Variants in APEH observed in about 807,000 individuals in gnomAD.
APEH encodes the protein acylaminoacyl-peptide hydrolase.
Under a neutral mutation model 102.7 loss-of-function variants are expected in APEH, and 75 were observed. The ratio of observed to expected loss-of-function variants is 0.73; its 90% CI spans 0.61 to 0.89. The LOEUF (loss-of-function observed/expected upper bound fraction) is 0.89, where lower values mean the gene tolerates loss of function less well. Among genes scored for constraint, APEH ranks in the 40% least tolerant of loss-of-function variants. The pLI, the probability that APEH is intolerant of heterozygous loss-of-function variation, is 0.00. For missense variants in APEH, 863 were observed against 941.2 expected (o/e 0.92, Z 1.09); for synonymous variants, 344 against 362.7 (o/e 0.95, Z 0.59).
At chr3:49,676,292 C>T (rs2053047298) in intron 6 of APEH, 73 bp downstream of exon 6, 1 of 1,610,988 alleles carries the variant, frequency 6.2e-7, no homozygotes, top group Non-Finnish European at 8.5e-7. Context: ...CCATACTGTG[C>T]CTGTCAGACC....
At chr3:49,675,422 C>G (rs1006664866) in intron 3 of APEH, 113 bp downstream of exon 3, 9 of 1,445,532 alleles carry the variant, frequency 6.2e-6, no homozygotes, top group Non-Finnish European at 3.7e-6. Flanking sequence ...GTTCTTGCCC[C>G]CTTGGGAGCT....
Position 49,676,658 on chromosome 3 carries a change from A to C in APEH, c.794A>C (p.His265Pro). Residue 265 changes from histidine to proline, a missense_variant, in exon 8 of 22, where the codon CAT becomes CCT. Physicochemically the swap from His to Pro is moderately conservative, Grantham distance 77. Coordinates refer to ENST00000296456, the MANE Select transcript of APEH (RefSeq NM_001640.4). The stretch of plus-strand genomic sequence containing the variant: ...GGTGTGGTGTTTGTGGGCTGGTGGC[A>C]TGAGCCCTTCCGGTTGGGCATCCGC... ...DAGVVFVGWW[H>P]EPFRLGIRFC... 1 of 1,614,272 alleles carries C rather than the reference A, an allele frequency of 6.2e-7. No homozygotes were observed. The highest frequency in any genetic ancestry group is 8.5e-7 in the Non-Finnish European group (1 of 1,180,048).
intron 15 of APEH, among the ~76,000 whole-genome samples, chr3:49,681,497 C>G (rs1212324701): frequency 6.6e-6 from 1 of 152,260 alleles, no homozygotes; most frequent in African/African-American, 2.4e-5. Context: ...AGGCCTCATA[C>G]AAGCCTCAGT....
intron 19 of APEH, 41 bp downstream of exon 19, chr3:49,682,777 C>T (rs780487108): frequency 6.2e-7 from 1 of 1,613,556 alleles, no homozygotes; most frequent in Non-Finnish European, 8.5e-7. Context: ...CCTCCTCTAC[C>T]TCAAATTCTC....
Position 49,683,945 on chromosome 3 carries a change from T to C in APEH, c.*603T>C, listed in dbSNP as rs1367225698. 1 of 1,539,250 alleles carries C rather than the reference T, an allele frequency of 6.5e-7. No homozygotes were observed. The highest frequency in any genetic ancestry group is 8.7e-7 in the Non-Finnish European group (1 of 1,144,188). ...CTGGAAGCAAAGGCTAAGAAGCATC[T>C]GTACAGGCATAAAGAGGAAACATGG... On this transcript the variant is annotated 3_prime_UTR_variant, in exon 22 of 22. Transcript: ENST00000296456.
chr3:49,682,505 A>G (rs760866206), intron 18 of APEH, 41 bp from the exon 19 acceptor site: 1 of 1,612,750 alleles, frequency 6.2e-7, no homozygotes, highest in Non-Finnish European at 8.5e-7. Context: ...CATTCAGCTG[A>G]GCGGGCAGCT....
At chr3:49,682,485 G>A (rs2053383265) in intron 18 of APEH, 49 bp downstream of exon 18, 1 of 1,612,230 alleles carries the variant, frequency 6.2e-7, no homozygotes, top group Non-Finnish European at 8.5e-7. Context: ...GGCTGCCAGG[G>A]GGATGCCTCC....
At position 49,679,737 on chromosome 3, in the gene APEH, G is replaced by A; in HGVS notation, c.1210+93G>A. Reference sequence around the variant, plus strand: ...CTGGAGCTCCAACATGTGGGGCAGTGATGGCATTCTCAGCCACTCAGCACC... The same window carrying A: ...CTGGAGCTCCAACATGTGGGGCAGTAATGGCATTCTCAGCCACTCAGCACC... On this transcript the variant is annotated intron_variant, in intron 13 of 21. Coordinates refer to ENST00000296456, the MANE Select transcript of APEH (RefSeq NM_001640.4). The surrounding 1 kb of genome is among the most constrained non-coding windows in gnomAD (Gnocchi z 4.3). The A allele has an allele frequency of 7.5e-7, 1 of 1,332,320 alleles. No individual in the cohort carries two copies. Among genetic ancestry groups the A allele is most frequent in the Non-Finnish European group, 1.1e-6 (1 of 933,030 alleles). 82.5% of individuals were successfully genotyped at this position (1,332,320 alleles called of 1,614,324 possible).
chr3:49,676,025 G>A (rs756505077), intron 5 of APEH, 31 bp from the exon 6 acceptor site: 10 of 1,614,086 alleles, frequency 6.2e-6, no homozygotes, highest in Non-Finnish European at 5.9e-6. Context: ...GTAGCCCTGG[G>A]CCCCCCCTGA....
rs1227668799 is a variant in APEH at position 49,683,792 on chromosome 3, C to T, written c.*450C>T. 5.1e-6 allele frequency: 3 copies of T among 592,020 alleles called. No individual in the cohort carries two copies. The highest frequency in any genetic ancestry group is 3.7e-5 in the African/African-American group (2 of 53,694). 36.7% of individuals were successfully genotyped at this position (592,020 alleles called of 1,614,324 possible). On this transcript the variant is annotated 3_prime_UTR_variant, in exon 22 of 22. Coordinates refer to ENST00000296456, the MANE Select transcript of APEH (RefSeq NM_001640.4). ...TGAGGCCCTGTCTTTCCACGGCACC[C>T]ATGGGCAAAAGTAGTCCCAGGGACA...
intron 2 of APEH, among the ~76,000 whole-genome samples, chr3:49,674,909 C>T (rs1162763927): frequency 2.0e-5 from 3 of 152,110 alleles, no homozygotes; most frequent in Non-Finnish European, 2.9e-5. Flanking sequence ...ACCAACACGC[C>T]ATCCCATACA....
Position 49,677,979 on chromosome 3 carries a change from C to T in APEH, c.1060+346C>T, listed in dbSNP as rs141905291. ...AAAACCATGACTCCTTCAAGTGGGT[C>T]TCAGGAAGTGCACTAGGTTGGAATG... On this transcript the variant is annotated intron_variant, in intron 11 of 21. Transcript: ENST00000296456. 9.7e-4 allele frequency among the ~76,000 whole-genome samples: 148 copies of T among 152,276 alleles called. 4 individuals are homozygous for T. The East Asian group carries it at 0.025, about 26-fold the overall frequency.
Position 49,676,781 on chromosome 3 carries a change from G to A in APEH, c.841G>A (p.Ala281Thr). ...GTGTCTGTCTCGTGGTTCCAGGTCA[G>A]CCCTGTATTATGTGGACCTCATCGG... is the stretch of plus-strand genomic sequence containing the variant. ...GIRFCTNRRS[A>T]LYYVDLIGGK... Residue 281 changes from alanine (A) to threonine (T), a missense_variant, in exon 9 of 22, where the codon GCC becomes ACC. Physicochemically the swap from Ala to Thr is moderately conservative, Grantham distance 58 (BLOSUM62 0). Transcript: ENST00000296456. 2.5e-6 allele frequency: 4 copies of A among 1,614,268 alleles called. No homozygotes were observed. The highest frequency in any genetic ancestry group is 3.4e-6 in the Non-Finnish European group (4 of 1,180,052).
At chr3:49,674,301 C>G (rs1389795966), upstream of APEH, 1 of 1,422,446 alleles carries the variant, frequency 7.0e-7, no homozygotes, top group Non-Finnish European at 9.4e-7. Context: ...TGCCGCAGGG[C>G]AGGGGCGGAG....
chr3:49,680,399 A>C, intron 13 of APEH, 142 bp from the exon 14 acceptor site: 1 of 685,556 alleles, frequency 1.5e-6, no homozygotes. Flanking sequence ...GGCCATGTGC[A>C]GTTGGGTGTT....
At chr3:49,682,229 C>T (rs1259673221) in intron 17 of APEH, 119 bp from the exon 18 acceptor site, 8 of 1,106,700 alleles carry the variant, frequency 7.2e-6, no homozygotes, top group Non-Finnish European at 7.9e-6. Flanking sequence ...TTCCCCTTGA[C>T]CCCTTGACAG....
chr3:49,674,175 C>T (rs1407708387), upstream of APEH: 7 of 587,124 alleles, frequency 1.2e-5, no homozygotes, highest in East Asian at 1.9e-4. Flanking sequence ...CCTGGCGAGA[C>T]CCCTGCTCTC....
chr3:49,677,056 G>A, intron 10 of APEH, 32 bp downstream of exon 10: 1 of 1,613,480 alleles, frequency 6.2e-7, no homozygotes, highest in East Asian at 2.2e-5. Context: ...TGGGAGGGTG[G>A]TCAGCAAGAA....
At chr3:49,673,605 C>G (rs1028823467), upstream of APEH, among the ~76,000 whole-genome samples, 7 of 152,278 alleles carry the variant, frequency 4.6e-5, no homozygotes, top group African/African-American at 1.7e-4. Flanking sequence ...TGCCCCGCAC[C>G]CCAGGGCTTT....
Sources: gnomAD v4.1 joint callset for allele counts (sites outside exome capture counted in the v4.1 genomes callset) on GRCh38, gnomAD v4.1.1 for gene constraint, Gnocchi (gnomAD v3.1) non-coding constraint, MANE v1.5 for transcripts, NCBI Gene and HGNC (gene_info 2026-07-23, HGNC 2026-07-21) for gene names.